Variants in EIF2S1 observed in about 807,000 individuals in gnomAD.
EIF2S1 encodes eukaryotic translation initiation factor 2 subunit 1.
EIF2S1 carries 5 observed loss-of-function variants against 33.5 expected under a neutral mutation model. That is an observed-to-expected ratio of 0.15 (90% confidence interval 0.08 to 0.31). EIF2S1 has a LOEUF of 0.31. Among genes scored for constraint, EIF2S1 ranks in the 10% least tolerant of loss-of-function variants. The probability of loss-of-function intolerance (pLI) is 1.00; values close to 1 mark genes in which losing one functional copy is unlikely to be tolerated. For missense variants in EIF2S1, 191 were observed against 384.6 expected (o/e 0.50, Z 4.21); for synonymous variants, 99 against 127.5 (o/e 0.78, Z 1.51).
At chr14:67,375,332 T>C (rs1484343300) in intron 3 of EIF2S1, among the ~76,000 whole-genome samples, 1 of 150,318 alleles carries the variant, frequency 6.7e-6, no homozygotes, top group East Asian at 2.0e-4. Flanking sequence ...CTCAACTTAC[T>C]GCAACCACCT....
At chr14:67,378,351 G>A (rs2085868995) in intron 4 of EIF2S1, among the ~76,000 whole-genome samples, 1 of 144,910 alleles carries the variant, frequency 6.9e-6, no homozygotes, top group African/African-American at 2.6e-5. Context: ...ATATCACGTG[G>A]TAGAAAAGGT....
At chr14:67,368,212 C>T (rs1470331832) in intron 2 of EIF2S1, among the ~76,000 whole-genome samples, 6 of 152,182 alleles carry the variant, frequency 3.9e-5, no homozygotes, top group African/African-American at 1.2e-4. Context: ...GCAGCGTAAA[C>T]GGCTTGCAGT....
At chr14:67,380,886 GT>G in intron 5 of EIF2S1, 121 bp downstream of exon 5, 1 of 478,278 alleles carries the variant, frequency 2.1e-6, no homozygotes. Context: ...CTAAATGGTT[GT>G]TTTTTATAAC....
chr14:67,372,838 C>CA (rs1277597413), intron 2 of EIF2S1, among the ~76,000 whole-genome samples: 1 of 146,634 alleles, frequency 6.8e-6, no homozygotes, highest in Non-Finnish European at 1.5e-5. Flanking sequence ...AAAAAAAAAA[C>CA]AAAAAACAAA....
intron 4 of EIF2S1, among the ~76,000 whole-genome samples, chr14:67,376,855 T>C (rs1339885727): frequency 1.3e-5 from 2 of 152,192 alleles, no homozygotes; most frequent in Non-Finnish European, 2.9e-5. Flanking sequence ...AAAGAGCATG[T>C]CTCACCAAAA....
intron 1 of EIF2S1, among the ~76,000 whole-genome samples, chr14:67,363,677 G>A (rs1392041592): frequency 6.6e-6 from 1 of 152,130 alleles, no homozygotes; most frequent in African/African-American, 2.4e-5. Flanking sequence ...GTACCACAAG[G>A]AGATAGGCAA....
intron 2 of EIF2S1, 88 bp downstream of exon 2, chr14:67,365,096 T>A: frequency 7.3e-7 from 1 of 1,373,326 alleles, no homozygotes; most frequent in Non-Finnish European, 9.6e-7. Flanking sequence ...AAGCTGCAGC[T>A]TAAAAAAAAA....
intron 2 of EIF2S1, among the ~76,000 whole-genome samples, chr14:67,369,433 C>G (rs1349763571): frequency 6.6e-6 from 1 of 152,146 alleles, no homozygotes; most frequent in Non-Finnish European, 1.5e-5. Context: ...TGAACAAGCT[C>G]TGAACAATTG....
intron 1 of EIF2S1, among the ~76,000 whole-genome samples, chr14:67,361,850 T>C (rs1361211657): frequency 6.6e-6 from 1 of 152,222 alleles, no homozygotes; most frequent in Non-Finnish European, 1.5e-5. Context: ...CTAGTACTTA[T>C]TAAGCATTTG....
chr14:67,372,398 A>G (rs1434772746), intron 2 of EIF2S1, among the ~76,000 whole-genome samples: 2 of 152,248 alleles, frequency 1.3e-5, no homozygotes, highest in Admixed American at 6.5e-5. Context: ...TAGATAGCAC[A>G]CTAAAAGCGT....
chr14:67,377,799 C>T (rs1013947907), intron 4 of EIF2S1, among the ~76,000 whole-genome samples: 3 of 152,094 alleles, frequency 2.0e-5, no homozygotes, highest in South Asian at 2.1e-4. Context: ...GCAAACACTG[C>T]GTCCTCTGCT....
At position 67,382,686 on chromosome 14, in the gene EIF2S1, T is replaced by C. The variant is rs115563767; in HGVS notation, c.822+96T>C. The stretch of plus-strand genomic sequence containing the variant: ...GAGCTGTCGGCCTTGGAATGTCATA[T>C]TGTAGGATGGTCATTCAGGCCTTTG... On this transcript the variant is annotated intron_variant, in intron 7 of 7. Transcript: ENST00000256383. 1.1e-3 allele frequency: 1,587 copies of C among 1,419,670 alleles called. 21 individuals are homozygous for C. The African/African-American group carries it at 0.019, about 17-fold the overall frequency. The allele number at this position is 1,419,670 out of a possible 1,614,324, so 87.9% of individuals were successfully genotyped here. A position where few individuals can be genotyped will look rare whatever the true frequency, so the allele number is the denominator to read the frequency against.
chr14:67,365,439 A>G (rs1327776786), intron 2 of EIF2S1, among the ~76,000 whole-genome samples: 1 of 152,248 alleles, frequency 6.6e-6, no homozygotes, highest in African/African-American at 2.4e-5. Flanking sequence ...GATCTTTTAT[A>G]TAAGCTTTGA....
chr14:67,382,682 C>T, intron 7 of EIF2S1, 92 bp downstream of exon 7: 1 of 1,443,662 alleles, frequency 6.9e-7, no homozygotes, highest in Non-Finnish European at 9.7e-7. Flanking sequence ...CTTGGAATGT[C>T]ATATTGTAGG....
chr14:67,370,773 T>G (rs1709085294), intron 2 of EIF2S1, among the ~76,000 whole-genome samples: 1 of 152,122 alleles, frequency 6.6e-6, no homozygotes, highest in Non-Finnish European at 1.5e-5. Context: ...TGTCTGTAAT[T>G]CCAGCACTTT....
At chr14:67,378,953 T>C (rs1356584479) in intron 4 of EIF2S1, among the ~76,000 whole-genome samples, 3 of 152,270 alleles carry the variant, frequency 2.0e-5, no homozygotes, top group Non-Finnish European at 4.4e-5. Context: ...TATCATTTTT[T>C]ATTTAAAATG....
rs567612715 is a variant in EIF2S1, at chr14:67,365,805, TTACTGA to T, written c.241+802_241+807del. On this transcript the variant is annotated intron_variant, in intron 2 of 7. Transcript: ENST00000256383. ...TTCTGAATCTCCTCAGCCGTCTGGTTTACTGATACTTTCTCACTTCTGCAAGTGATT... is the reference window on the plus strand; with the variant it reads ...TTCTGAATCTCCTCAGCCGTCTGGTTTACTTTCTCACTTCTGCAAGTGATT... Among the ~76,000 whole-genome samples the T allele has an allele frequency of 4.1e-3, 623 of 152,328 alleles. 4 individuals carry two copies. The highest frequency in any genetic ancestry group is 7.5e-3 in the Non-Finnish European group (512 of 68,034).
intron 5 of EIF2S1, 25 bp from the exon 6 acceptor site, chr14:67,381,568 A>G (rs189804140): frequency 1.2e-4 from 185 of 1,590,026 alleles, no homozygotes; most frequent in Middle Eastern, 6.7e-4. Context: ...ATTTTTTATC[A>G]ACTTTTGAAT....
At position 67,384,321 on chromosome 14, in the gene EIF2S1, CCA is replaced by C. The variant is rs1381650839; in HGVS notation, c.*882_*883del. 6.7e-6 allele frequency: 1 copy of C among 150,130 alleles called. No individual in the cohort carries two copies. Among genetic ancestry groups the C allele is most frequent in the East Asian group, 1.9e-4 (1 of 5,172 alleles). 9.3% of individuals were successfully genotyped at this position (150,130 alleles called of 1,614,324 possible). A position where few individuals can be genotyped will look rare whatever the true frequency, so the allele number is the denominator to read the frequency against. On this transcript the variant is annotated 3_prime_UTR_variant, in exon 8 of 8. Transcript: ENST00000256383. The stretch of plus-strand genomic sequence containing the variant: ...TATCCACTAGATGCCACCTAGAGCT[CCA>C]GTTCTTTATAACAAAACAGGGATCT...
Sources: allele counts gnomAD v4.1 joint callset (sites outside exome capture counted in the v4.1 genomes callset), GRCh38; gene constraint gnomAD v4.1.1; transcripts MANE v1.5; gene names NCBI Gene and HGNC (gene_info 2026-07-23, HGNC 2026-07-21).